TRAPPC10: variants seen among roughly 807,000 people sequenced by gnomAD.
The protein encoded by TRAPPC10 is TRAPP 130 kDa subunit.
In TRAPPC10, 23 loss-of-function variants were observed where a neutral mutation model predicts 125.5. That is an observed-to-expected ratio of 0.18 (90% confidence interval 0.13 to 0.26). The LOEUF (loss-of-function observed/expected upper bound fraction) is 0.26, where lower values mean the gene tolerates loss of function less well. Ranked by LOEUF, TRAPPC10 falls within the 10% of genes least tolerant of loss-of-function variation. TRAPPC10 has a pLI of 1.00. For synonymous variants in TRAPPC10, 509 were observed against 518.0 expected (o/e 0.98, Z 0.24); for missense variants, 1,123 against 1,308.4 (o/e 0.86, Z 2.19).
chr21:44,038,896 CGT>C (rs895145410), intron 3 of TRAPPC10, among the ~76,000 whole-genome samples: 25 of 152,298 alleles, frequency 1.6e-4, no homozygotes, highest in African/African-American at 5.5e-4. Flanking sequence ...TGAGGACACA[CGT>C]GAGGAGATTT....
chr21:44,026,136 C>T (rs866732547), intron 1 of TRAPPC10, among the ~76,000 whole-genome samples: 1 of 151,922 alleles, frequency 6.6e-6, no homozygotes, highest in African/African-American at 2.4e-5. Context: ...GGTGACTAAA[C>T]CTTGCTTTCT....
At chr21:44,013,148 A>G (rs1386090502) in intron 1 of TRAPPC10, among the ~76,000 whole-genome samples, 1 of 125,430 alleles carries the variant, frequency 8.0e-6, no homozygotes, top group Non-Finnish European at 1.5e-5. Context: ...CGCTTAGGCG[A>G]GCTTGCTCCC....
rs934242670 is a variant in TRAPPC10, at chr21:44,062,831, G to A, written c.791-707G>A. The A allele has an allele frequency of 1.4e-5, 14 of 985,322 alleles. No individual in the cohort carries two copies. The African/African-American group carries it at 2.4e-4, about 17-fold the overall frequency. 61.0% of individuals were successfully genotyped at this position (985,322 alleles called of 1,614,324 possible). A position where few individuals can be genotyped will look rare whatever the true frequency, so the allele number is the denominator to read the frequency against. ...CAGGATGCCACGTAGGAATGAACTG[G>A]TTATGACACCTCTCTGTTGAAGTGA... On this transcript the variant is annotated intron_variant, in intron 6 of 22. Transcript: ENST00000291574.
chr21:44,082,674 C>G lies in TRAPPC10; in HGVS notation c.1724-114C>G, dbSNP rs1019210362. ...GGCTGGGCTCAGCTGCTGTGCCCAT[C>G]ACTGCTGCTTGCTTCAGTCTGCTCT... On this transcript the variant is annotated intron_variant, in intron 13 of 22. Coordinates refer to ENST00000291574, the MANE Select transcript of TRAPPC10 (RefSeq NM_003274.5). This position sits in a 1 kb window ranked among gnomAD's most constrained non-coding sequence, Gnocchi z 4.4. 1 of 1,193,492 alleles carries G rather than the reference C, an allele frequency of 8.4e-7. No individual in the cohort carries two copies. Among genetic ancestry groups the G allele is most frequent in the African/African-American group, 1.5e-5 (1 of 66,288 alleles). The allele number at this position is 1,193,492 out of a possible 1,614,324, so 73.9% of individuals were successfully genotyped here.
chr21:44,052,091 G>A (rs773643888), intron 3 of TRAPPC10, among the ~76,000 whole-genome samples, 189 bp from the exon 4 acceptor site: 2 of 152,198 alleles, frequency 1.3e-5, no homozygotes, highest in East Asian at 1.9e-4. Flanking sequence ...GCCTGTGTGC[G>A]GCACTGAGAC....
intron 1 of TRAPPC10, 99 bp downstream of exon 1, chr21:44,012,659 C>T: frequency 3.5e-6 from 4 of 1,137,334 alleles, no homozygotes; most frequent in African/African-American, 1.6e-5. Flanking sequence ...CCCCGGCGCG[C>T]TCCGGGCTGG....
At chr21:44,078,141 T>C (rs993172668) in intron 11 of TRAPPC10, among the ~76,000 whole-genome samples, 5 of 152,168 alleles carry the variant, frequency 3.3e-5, no homozygotes, top group African/African-American at 1.2e-4. Context: ...TATCAAGTAT[T>C]AAGAGGACTG....
intron 9 of TRAPPC10, among the ~76,000 whole-genome samples, chr21:44,075,993 G>A (rs563263530): frequency 6.6e-6 from 1 of 151,356 alleles, no homozygotes; most frequent in South Asian, 2.1e-4. Context: ...AGGTTGTGGT[G>A]AACAAAGATT....
chr21:44,037,678 A>G, intron 2 of TRAPPC10, 114 bp from the exon 3 acceptor site: 1 of 1,185,510 alleles, frequency 8.4e-7, no homozygotes, highest in Non-Finnish European at 1.2e-6. Flanking sequence ...ATTTGGGGTT[A>G]ATATATGTGC....
intron 7 of TRAPPC10, among the ~76,000 whole-genome samples, chr21:44,065,783 A>G (rs1043796136): frequency 6.6e-6 from 1 of 152,358 alleles, no homozygotes; most frequent in Non-Finnish European, 1.5e-5. Flanking sequence ...TTTGATCAAC[A>G]CTGAGATTCA....
At chr21:44,070,456 T>C (rs1426206406) in intron 7 of TRAPPC10, among the ~76,000 whole-genome samples, 1 of 152,206 alleles carries the variant, frequency 6.6e-6, no homozygotes, top group Non-Finnish European at 1.5e-5. Context: ...CAGAGTGAGG[T>C]GACCAAGCTG....
At chr21:44,060,099 C>G (rs917594426) in intron 6 of TRAPPC10, 1 of 153,004 alleles carries the variant, frequency 6.5e-6, no homozygotes, top group African/African-American at 2.4e-5. Context: ...GAGCACTGTC[C>G]TCACTCTGGA....
At chr21:44,085,608 C>G (rs1485233756) in intron 15 of TRAPPC10, among the ~76,000 whole-genome samples, 3 of 152,034 alleles carry the variant, frequency 2.0e-5, no homozygotes, top group African/African-American at 7.2e-5. Context: ...CCAGCTGAGG[C>G]TCCTGCCTCA....
chr21:44,073,600 A>G (rs918617703), intron 7 of TRAPPC10, among the ~76,000 whole-genome samples: 3 of 152,132 alleles, frequency 2.0e-5, no homozygotes, highest in Non-Finnish European at 2.9e-5. Flanking sequence ...CCCATGTAGG[A>G]CCCATGAACA....
rs71326026 is a variant in TRAPPC10 at position 44,081,005 on chromosome 21, C to CTTTTTTTTTT, written c.1723+880_1723+889dup. ...CATTACCACAGTCAATATTATTGTT[C>CTTTTTTTTTT]TTTTTTTTTTTCTTTTTTTTTTTTT... On this transcript the variant is annotated intron_variant, in intron 13 of 22. Coordinates refer to ENST00000291574, the MANE Select transcript of TRAPPC10 (RefSeq NM_003274.5). 1.6e-4 allele frequency among the ~76,000 whole-genome samples: 17 copies of CTTTTTTTTTT among 103,866 alleles called. 1 individual carries two copies. Among genetic ancestry groups the CTTTTTTTTTT allele is most frequent in the East Asian group, 2.7e-4 (1 of 3,690 alleles). The allele number at this position is 103,866 out of a possible 152,430, so 68.1% of individuals were successfully genotyped here.
At chr21:44,052,756 G>C (rs985995684) in intron 4 of TRAPPC10, among the ~76,000 whole-genome samples, 4 of 152,062 alleles carry the variant, frequency 2.6e-5, no homozygotes, top group African/African-American at 9.7e-5. Context: ...GACAGCAGCA[G>C]CTCCTGCAGT....
At position 44,086,796 on chromosome 21, in the gene TRAPPC10, C is replaced by G; in HGVS notation, c.2381-6C>G. On this transcript the variant is annotated splice_polypyrimidine_tract_variant and splice_region_variant and intron_variant, in intron 15 of 22. Transcript: ENST00000291574. ...CGGTGCTGAGCCACGATCTCTTTTCCTTTAGATAGCCTTCTGGCAGGCATT... is the reference window on the plus strand; with the variant it reads ...CGGTGCTGAGCCACGATCTCTTTTCGTTTAGATAGCCTTCTGGCAGGCATT... 6.2e-7 allele frequency: 1 copy of G among 1,614,090 alleles called. No individual in the cohort carries two copies. Among genetic ancestry groups the G allele is most frequent in the South Asian group, 1.1e-5 (1 of 91,086 alleles).
intron 5 of TRAPPC10, 107 bp downstream of exon 5, chr21:44,056,000 C>A: frequency 9.6e-7 from 1 of 1,037,266 alleles, no homozygotes; most frequent in East Asian, 2.5e-5. Context: ...GTGGTAATCT[C>A]ATTGGCAGAG....
At chr21:44,038,839 CTGCTGACTT>C (rs1569156649) in intron 3 of TRAPPC10, among the ~76,000 whole-genome samples, 1 of 152,204 alleles carries the variant, frequency 6.6e-6, no homozygotes, top group African/African-American at 2.4e-5. Flanking sequence ...CACCCTTTCT[CTGCTGACTT>C]TGCTCCGCCT....
Sources: gnomAD v4.1 joint callset for allele counts (sites outside exome capture counted in the v4.1 genomes callset) on GRCh38, gnomAD v4.1.1 for gene constraint, Gnocchi (gnomAD v3.1) non-coding constraint, MANE v1.5 for transcripts, NCBI Gene and HGNC (gene_info 2026-07-23, HGNC 2026-07-21) for gene names.